The following FGGY variants were observed in gnomAD, a reference collection of about 807,000 sequenced individuals.
The protein encoded by FGGY is FGGY carbohydrate kinase domain-containing protein.
FGGY carries 72 observed loss-of-function variants against 71.3 expected under a neutral mutation model. The ratio of observed to expected loss-of-function variants is 1.01; its 90% confidence interval spans 0.84 to 1.23. The LOEUF is 1.23. Among genes scored for constraint, FGGY ranks in the 50% most tolerant of loss-of-function variants. The pLI, the probability that FGGY is intolerant of heterozygous loss-of-function variation, is 0.00. For synonymous variants in FGGY, 251 were observed against 250.3 expected, an observed-to-expected ratio of 1.00 and a Z score of -0.02; for missense variants, 668 against 682.3, an observed-to-expected ratio of 0.98 and a Z score of 0.23.
chr1:59,592,959 AAAT>A (rs891059469), intron 8 of FGGY, among the ~76,000 whole-genome samples: 1 of 150,962 alleles, frequency 6.6e-6, no homozygotes, highest in African/African-American at 2.5e-5. Context: ...GAAAAAGTAA[AAAT>A]AAAAAAATAA....
At chr1:59,616,642 A>C (rs2096758168) in intron 9 of FGGY, among the ~76,000 whole-genome samples, 1 of 152,136 alleles carries the variant, frequency 6.6e-6, no homozygotes, top group South Asian at 2.1e-4. Flanking sequence ...AAAAAAATAA[A>C]TAAAATATTA....
At chr1:59,404,520 A>G (rs970938835) in intron 5 of FGGY, among the ~76,000 whole-genome samples, 15 of 152,202 alleles carry the variant, frequency 9.9e-5, no homozygotes, top group African/African-American at 3.4e-4. Flanking sequence ...ATTAAAGCAG[A>G]TAGAGCACAG....
intron 4 of FGGY, among the ~76,000 whole-genome samples, chr1:59,350,527 T>C (rs975920414): frequency 6.6e-6 from 1 of 152,068 alleles, no homozygotes; most frequent in East Asian, 1.9e-4. Flanking sequence ...TGTGTTATGG[T>C]AGGTGAGTCC....
At chr1:59,760,204 G>C (rs1235781612) in intron 15 of FGGY, among the ~76,000 whole-genome samples, 1 of 152,188 alleles carries the variant, frequency 6.6e-6, no homozygotes, top group South Asian at 2.1e-4. Context: ...GCACGTGATA[G>C]GGTATTCAAC....
chr1:59,636,892 T>C (rs1325604778), intron 10 of FGGY, among the ~76,000 whole-genome samples: 3 of 152,210 alleles, frequency 2.0e-5, no homozygotes, highest in African/African-American at 7.2e-5. Context: ...CTCCTTTGGA[T>C]ATTGATTTCC....
intron 2 of FGGY, among the ~76,000 whole-genome samples, chr1:59,326,303 C>A (rs1193598760): frequency 6.6e-6 from 1 of 152,086 alleles, no homozygotes; most frequent in Non-Finnish European, 1.5e-5. Flanking sequence ...ACATATGAAG[C>A]CAGTAAAGTA....
intron 14 of FGGY, among the ~76,000 whole-genome samples, chr1:59,749,764 T>C (rs1225651640): frequency 6.6e-6 from 1 of 152,186 alleles, no homozygotes; most frequent in East Asian, 1.9e-4. Context: ...CACGTGCTTC[T>C]CATAGCAGTC....
At chr1:59,400,056 G>A (rs966530597) in intron 5 of FGGY, among the ~76,000 whole-genome samples, 1 of 152,182 alleles carries the variant, frequency 6.6e-6, no homozygotes, top group African/African-American at 2.4e-5. Context: ...TGGATGGTAA[G>A]GTGGAGTCAG....
intron 4 of FGGY, among the ~76,000 whole-genome samples, chr1:59,366,296 C>T (rs2056576775): frequency 6.6e-6 from 1 of 152,170 alleles, no homozygotes; most frequent in Non-Finnish European, 1.5e-5. Context: ...TACCGTTAAA[C>T]AAGTCCTCAT....
At chr1:59,436,477 G>T (rs1352854895) in intron 5 of FGGY, among the ~76,000 whole-genome samples, 1 of 152,044 alleles carries the variant, frequency 6.6e-6, no homozygotes, top group Non-Finnish European at 1.5e-5. Context: ...TCTGCCCATG[G>T]CCCCTACAAC....
At chr1:59,374,623 T>C (rs1273472803) in intron 4 of FGGY, among the ~76,000 whole-genome samples, 1 of 152,122 alleles carries the variant, frequency 6.6e-6, no homozygotes, top group African/African-American at 2.4e-5. Context: ...ATTGCGGCAC[T>C]GTTCACAATA....
intron 8 of FGGY, among the ~76,000 whole-genome samples, chr1:59,588,634 T>G (rs2096362235): frequency 6.6e-6 from 1 of 152,016 alleles, no homozygotes; most frequent in Non-Finnish European, 1.5e-5. Context: ...GGGCCAATAT[T>G]TAACATTCTT....
intron 7 of FGGY, among the ~76,000 whole-genome samples, chr1:59,528,060 A>T (rs2095041370): frequency 6.6e-6 from 1 of 152,170 alleles, no homozygotes; most frequent in Non-Finnish European, 1.5e-5. Flanking sequence ...TATCCAGCCC[A>T]CACATGAGCC....
At chr1:59,392,951 A>G (rs1027401736) in intron 5 of FGGY, among the ~76,000 whole-genome samples, 4 of 152,186 alleles carry the variant, frequency 2.6e-5, no homozygotes, top group African/African-American at 4.8e-5. Flanking sequence ...GTCAGCTCTC[A>G]TTATTGCCCA....
At chr1:59,517,950 T>C (rs1054116312) in intron 7 of FGGY, among the ~76,000 whole-genome samples, 1 of 152,210 alleles carries the variant, frequency 6.6e-6, no homozygotes, top group African/African-American at 2.4e-5. Flanking sequence ...TTCTAGATGT[T>C]TGGAAATCTG....
intron 5 of FGGY, among the ~76,000 whole-genome samples, chr1:59,423,616 T>A (rs2065827036): frequency 6.6e-6 from 1 of 152,130 alleles, no homozygotes; most frequent in Non-Finnish European, 1.5e-5. Context: ...ATTAAACCCC[T>A]TCAGTGACTC....
intron 8 of FGGY, among the ~76,000 whole-genome samples, chr1:59,554,993 G>T (rs1289882967): frequency 6.6e-6 from 1 of 152,130 alleles, no homozygotes; most frequent in African/African-American, 2.4e-5. Context: ...CACAGCCCAG[G>T]GCAGAACCAA....
intron 8 of FGGY, among the ~76,000 whole-genome samples, chr1:59,557,081 G>A (rs1247732533): frequency 2.0e-5 from 3 of 152,072 alleles, no homozygotes; most frequent in Admixed American, 6.6e-5. Context: ...ATCTCCTCAG[G>A]TGCTGGGAAC....
chr1:59,524,422 C>T lies in FGGY; in HGVS notation c.799+11983C>T, dbSNP rs138987473. On this transcript the variant is annotated intron_variant, in intron 7 of 15. Coordinates refer to ENST00000303721, the MANE Select transcript of FGGY (RefSeq NM_018291.5). ...CCCCACCTTCAAGCCAGGGACAGTC[C>T]GAAGCCTGGTGGCTGGACTGCCAGT... Among the ~76,000 whole-genome samples, 397 of 151,498 alleles carry T rather than the reference C, an allele frequency of 2.6e-3. 2 individuals carry two copies. The highest frequency in any genetic ancestry group is 9.0e-3 in the African/African-American group (373 of 41,290).
Sources: allele counts gnomAD v4.1 joint callset (sites outside exome capture counted in the v4.1 genomes callset), GRCh38; gene constraint gnomAD v4.1.1; transcripts MANE v1.5; gene names NCBI Gene and HGNC (gene_info 2026-07-23, HGNC 2026-07-21).